The following WDPCP variants were observed in gnomAD, a reference collection of about 807,000 sequenced individuals.
The protein encoded by WDPCP is WD repeat-containing and planar cell polarity effector protein fritz homolog.
In WDPCP, 71 loss-of-function variants were observed where a neutral mutation model predicts 93.1. That is an observed-to-expected ratio of 0.76 (90% CI 0.63 to 0.93). The LOEUF (loss-of-function observed/expected upper bound fraction) is 0.93. WDPCP is among the 40% of genes least tolerant of loss of function. The probability of loss-of-function intolerance (pLI) is 0.00; values close to 1 mark genes in which losing one functional copy is unlikely to be tolerated. For missense variants in WDPCP, 844 were observed against 887.4 expected, an observed-to-expected ratio of 0.95 and a Z score of 0.62; for synonymous variants, 315 against 315.0, an observed-to-expected ratio of 1.00 and a Z score of 0.00.
At chr2:63,738,106 A>C (rs140713224) in intron 2 of WDPCP, among the ~76,000 whole-genome samples, 2 of 152,214 alleles carry the variant, frequency 1.3e-5, no homozygotes, top group African/African-American at 4.8e-5. Flanking sequence ...ATATTCTGAC[A>C]ACCAGTGCTT....
chr2:63,802,200 C>G (rs531384774), intron 2 of WDPCP, among the ~76,000 whole-genome samples: 1 of 138,426 alleles, frequency 7.2e-6, no homozygotes, highest in Non-Finnish European at 1.5e-5. Flanking sequence ...AGTCCCAGCA[C>G]TTTGGAAGGC....
chr2:63,466,098 C>A (rs972518032), intron 6 of WDPCP, among the ~76,000 whole-genome samples: 1 of 151,914 alleles, frequency 6.6e-6, no homozygotes, highest in Non-Finnish European at 1.5e-5. Flanking sequence ...AAAAATAGAC[C>A]AATTTATATG....
intron 13 of WDPCP, among the ~76,000 whole-genome samples, chr2:63,285,002 C>T (rs1299201256): frequency 1.3e-5 from 2 of 151,588 alleles, no homozygotes; most frequent in African/African-American, 4.9e-5. Context: ...CAAAACAAAA[C>T]AAAAACAAAT....
intron 2 of WDPCP, among the ~76,000 whole-genome samples, chr2:63,700,282 C>CAAAAAAAAAAAAAAAAAAAAAAAAA (rs1196006011): frequency 7.2e-5 from 3 of 41,582 alleles, no homozygotes; most frequent in Non-Finnish European, 1.3e-4. Flanking sequence ...GACCCTGTCT[C>CAAAAAAAAAAAAAAAAAAAAAAAAA]AAAAAAAAAA....
intron 15 of WDPCP, among the ~76,000 whole-genome samples, chr2:63,173,861 G>A (rs1322277532): frequency 6.6e-6 from 1 of 152,114 alleles, no homozygotes; most frequent in African/African-American, 2.4e-5. Context: ...TGATATATAC[G>A]TATTTTTTAA....
chr2:63,580,251 T>C (rs1286488852), intron 1 of WDPCP, among the ~76,000 whole-genome samples: 1 of 152,162 alleles, frequency 6.6e-6, no homozygotes, highest in Non-Finnish European at 1.5e-5. Context: ...TGAAAATCAT[T>C]TTACAACCAT....
intron 14 of WDPCP, among the ~76,000 whole-genome samples, chr2:63,254,099 A>T (rs765645286): frequency 6.6e-6 from 1 of 152,204 alleles, no homozygotes; most frequent in Non-Finnish European, 1.5e-5. Context: ...TTGTAGCTGG[A>T]AGCCATTACT....
intron 1 of WDPCP, among the ~76,000 whole-genome samples, chr2:63,516,354 T>A (rs569348609): frequency 5.3e-4 from 80 of 152,294 alleles, no homozygotes; most frequent in Admixed American, 4.6e-4. Context: ...AAATATACAA[T>A]AGATTATTTA....
chr2:63,269,406 A>G (rs1682435688), intron 13 of WDPCP, among the ~76,000 whole-genome samples: 1 of 152,214 alleles, frequency 6.6e-6, no homozygotes, highest in Non-Finnish European at 1.5e-5. Context: ...CTTGATCCAG[A>G]TTTCAAAATG....
chr2:63,567,671 GT>G (rs1273350792), intron 1 of WDPCP, among the ~76,000 whole-genome samples: 3 of 151,962 alleles, frequency 2.0e-5, no homozygotes, highest in South Asian at 2.1e-4. Flanking sequence ...GACATCCCTT[GT>G]TTTTTTCCCC....
At chr2:63,817,280 TTG>T (rs893469763) in intron 1 of WDPCP, among the ~76,000 whole-genome samples, 3 of 152,138 alleles carry the variant, frequency 2.0e-5, no homozygotes, top group African/African-American at 7.2e-5. Context: ...CAGCTAATTG[TTG>T]TCTTTTTAGT....
intron 3 of WDPCP, chr2:63,599,503 C>A: frequency 2.7e-6 from 1 of 376,646 alleles, no homozygotes; most frequent in South Asian, 3.9e-5. Flanking sequence ...GGACTTCCTA[C>A]TTGATTTCGT....
intron 13 of WDPCP, 95 bp downstream of exon 13, chr2:63,313,153 G>T: frequency 1.7e-6 from 2 of 1,186,716 alleles, no homozygotes; most frequent in East Asian, 2.5e-5. Flanking sequence ...CTGTGTCTAA[G>T]GCTGCAAAAT....
At chr2:63,203,536 A>G (rs1574864804) in intron 14 of WDPCP, among the ~76,000 whole-genome samples, 1 of 152,142 alleles carries the variant, frequency 6.6e-6, no homozygotes, top group African/African-American at 2.4e-5. Context: ...TAGTTATTTT[A>G]AAATGTACAA....
At chr2:63,804,043 C>T (rs972108121) in intron 2 of WDPCP, among the ~76,000 whole-genome samples, 2 of 152,054 alleles carry the variant, frequency 1.3e-5, no homozygotes, top group African/African-American at 4.8e-5. Flanking sequence ...GGGGAATTTT[C>T]ATTTAAAACC....
chr2:63,470,695 C>G (rs1464497469), intron 6 of WDPCP, among the ~76,000 whole-genome samples: 1 of 152,184 alleles, frequency 6.6e-6, no homozygotes, highest in Non-Finnish European at 1.5e-5. Flanking sequence ...TTTCTCCACT[C>G]AAAACTCTTC....
At chr2:63,764,147 C>G (rs1670102162) in intron 2 of WDPCP, among the ~76,000 whole-genome samples, 1 of 152,134 alleles carries the variant, frequency 6.6e-6, no homozygotes, top group Non-Finnish European at 1.5e-5. Context: ...AGTTTCAAAA[C>G]ACTTTCATCA....
intron 12 of WDPCP, among the ~76,000 whole-genome samples, chr2:63,334,447 C>T (rs1250581663): frequency 6.6e-6 from 1 of 152,080 alleles, no homozygotes; most frequent in Non-Finnish European, 1.5e-5. Flanking sequence ...AAAGGCAGGA[C>T]AACTTGAAGC....
chr2:63,837,441 A>G, the WDPCP span, among the ~76,000 whole-genome samples: 2 of 152,216 alleles, frequency 1.3e-5, no homozygotes, highest in Non-Finnish European at 2.9e-5. Context: ...GCAACAGTCC[A>G]GTGGATAACT....
Sources: allele counts gnomAD v4.1 joint callset (sites outside exome capture counted in the v4.1 genomes callset), GRCh38; gene constraint gnomAD v4.1.1; transcripts MANE v1.5; gene names NCBI Gene and HGNC (gene_info 2026-07-23, HGNC 2026-07-21).